Variants in KCNK10 observed in about 807,000 individuals in gnomAD.
The protein encoded by KCNK10 is potassium channel subfamily K member 10.
In KCNK10, 25 loss-of-function variants were observed where a neutral mutation model predicts 47.7. The ratio of observed to expected loss-of-function variants is 0.52; its 90% confidence interval spans 0.38 to 0.73. KCNK10 has a LOEUF of 0.73. Among genes scored for constraint, KCNK10 ranks in the 30% least tolerant of loss-of-function variants. KCNK10 has a pLI of 0.00. For synonymous variants in KCNK10, 303 were observed against 285.6 expected (o/e 1.06, Z -0.61); for missense variants, 563 against 714.5 (o/e 0.79, Z 2.42).
At chr14:88,249,477 T>C (rs1421299542) in intron 2 of KCNK10, among the ~76,000 whole-genome samples, 1 of 152,212 alleles carries the variant, frequency 6.6e-6, no homozygotes, top group African/African-American at 2.4e-5. Flanking sequence ...GTCCCATAGG[T>C]TGAGTCAGAG....
At chr14:88,206,527 T>C (rs1034343929) in intron 4 of KCNK10, among the ~76,000 whole-genome samples, 9 of 152,254 alleles carry the variant, frequency 5.9e-5, no homozygotes, top group Admixed American at 2.0e-4. Context: ...CTGACTCTAA[T>C]GTAAATAGAT....
intron 1 of KCNK10, among the ~76,000 whole-genome samples, chr14:88,268,331 G>A (rs73328071): frequency 0.024 from 3,656 of 152,298 alleles, 141 homozygotes; most frequent in African/African-American, 0.083. Flanking sequence ...CAGCTGTGGA[G>A]ATCAGGGCAG....
At chr14:88,237,556 A>T (rs893874362) in intron 3 of KCNK10, among the ~76,000 whole-genome samples, 3 of 152,218 alleles carry the variant, frequency 2.0e-5, no homozygotes, top group African/African-American at 7.2e-5. Flanking sequence ...TAAGAGTTCA[A>T]AGTCAAAATT....
At chr14:88,317,866 T>TAA (rs145533276) in intron 1 of KCNK10, among the ~76,000 whole-genome samples, 4 of 151,864 alleles carry the variant, frequency 2.6e-5, no homozygotes, top group African/African-American at 9.7e-5. Flanking sequence ...GTGTAGCATT[T>TAA]AAAAAAAAAT....
At chr14:88,323,403 G>A (rs1888595266), upstream of KCNK10, among the ~76,000 whole-genome samples, 1 of 143,616 alleles carries the variant, frequency 7.0e-6, no homozygotes, top group Non-Finnish European at 1.5e-5. Flanking sequence ...CGCGGCGCCC[G>A]GGCAGCGCGC....
chr14:88,269,739 T>C (rs1374738793), intron 1 of KCNK10, among the ~76,000 whole-genome samples: 1 of 152,090 alleles, frequency 6.6e-6, no homozygotes, highest in East Asian at 1.9e-4. Context: ...ACCCAGCCAG[T>C]GAACCTGTTT....
At chr14:88,199,987 TTTTC>T (rs1164997486) in intron 4 of KCNK10, among the ~76,000 whole-genome samples, 5 of 151,566 alleles carry the variant, frequency 3.3e-5, no homozygotes, top group South Asian at 2.1e-4. Flanking sequence ...CTTTCTTTCT[TTTTC>T]TTTCTTTCTC....
chr14:88,282,882 G>A (rs565918036), intron 1 of KCNK10, among the ~76,000 whole-genome samples: 12 of 152,264 alleles, frequency 7.9e-5, no homozygotes, highest in South Asian at 2.1e-4. Context: ...CAGTGCTTCC[G>A]CATAGACAAT....
intron 1 of KCNK10, among the ~76,000 whole-genome samples, chr14:88,265,890 G>A (rs1887239218): frequency 1.3e-5 from 2 of 152,172 alleles, no homozygotes; most frequent in African/African-American, 4.8e-5. Flanking sequence ...CACCATGATT[G>A]TGAGGCCTCC....
Position 88,185,850 on chromosome 14 carries a change from A to G in KCNK10, c.1317T>C (p.His439=), listed in dbSNP as rs1884535694. 2 of 1,614,018 alleles carry G rather than the reference A, an allele frequency of 1.2e-6. No individual in the cohort carries two copies. The change falls in exon 7 of 7, where the codon CAT becomes CAC. Residue 439 remains histidine (H), a synonymous_variant. Transcript: ENST00000319231. This position sits in a 1 kb window ranked among gnomAD's most constrained non-coding sequence, Gnocchi z 4.3. ...TGTTGTCCTCGGACGCACCCTGCCCATGCTTGTTCAGCTGCTCCGGCCCCT... is the reference window on the plus strand; with the variant it reads ...TGTTGTCCTCGGACGCACCCTGCCCGTGCTTGTTCAGCTGCTCCGGCCCCT... ...RLKGPEQLNK[H]GQGASEDNII...
At chr14:88,261,121 G>A (rs1162735848) in intron 2 of KCNK10, among the ~76,000 whole-genome samples, 1 of 152,096 alleles carries the variant, frequency 6.6e-6, no homozygotes, top group African/African-American at 2.4e-5. Context: ...TTATCTAATG[G>A]GCAATAATTA....
intron 1 of KCNK10, among the ~76,000 whole-genome samples, chr14:88,308,151 C>A (rs1888239537): frequency 6.6e-6 from 1 of 152,128 alleles, no homozygotes; most frequent in African/African-American, 2.4e-5. Flanking sequence ...ATCATCAGCA[C>A]CCCCAGTCAA....
chr14:88,271,604 C>A (rs1887407115), intron 1 of KCNK10, among the ~76,000 whole-genome samples: 1 of 152,082 alleles, frequency 6.6e-6, no homozygotes, highest in Non-Finnish European at 1.5e-5. Flanking sequence ...CTCAGGGGTA[C>A]AAAATACTTG....
rs377446512 is a variant in KCNK10, at chr14:88,322,772, T to C, written c.27A>G (p.Arg9=). 4.5e-5 allele frequency: 73 copies of C among 1,614,054 alleles called. No homozygotes were observed. Among genetic ancestry groups the C allele is most frequent in the Non-Finnish European group, 5.5e-5 (65 of 1,180,032 alleles). MKFPIETP[R]KQVNWDPKVA... The stretch of plus-strand genomic sequence containing the variant: ...CTTTAGGATCCCAGTTCACCTGTTT[T>C]CTTGGCGTCTCGATTGGAAATTTCA... The change falls in exon 1 of 7, where the codon AGA becomes AGG. Residue 9 remains arginine (R), a synonymous_variant. Transcript: ENST00000319231. This position sits in a 1 kb window ranked among gnomAD's most constrained non-coding sequence, Gnocchi z 4.8.
intron 2 of KCNK10, among the ~76,000 whole-genome samples, chr14:88,262,923 T>TGGA (rs1304424272): frequency 6.6e-6 from 1 of 152,118 alleles, no homozygotes; most frequent in Non-Finnish European, 1.5e-5. Flanking sequence ...CACACATAGG[T>TGGA]GGACTTGAAC....
chr14:88,306,580 G>A (rs938793949), intron 1 of KCNK10, among the ~76,000 whole-genome samples: 24 of 151,868 alleles, frequency 1.6e-4, no homozygotes, highest in African/African-American at 5.3e-4. Flanking sequence ...CTGGTACCAC[G>A]CCTTTTCCTT....
At chr14:88,192,954 C>A (rs1296493433) in intron 4 of KCNK10, among the ~76,000 whole-genome samples, 3 of 152,204 alleles carry the variant, frequency 2.0e-5, no homozygotes, top group Non-Finnish European at 4.4e-5. Context: ...CCCATCTTCA[C>A]CTGTGACCGA....
intron 2 of KCNK10, among the ~76,000 whole-genome samples, chr14:88,249,736 G>A (rs1332769017): frequency 6.6e-6 from 1 of 152,110 alleles, no homozygotes; most frequent in Non-Finnish European, 1.5e-5. Flanking sequence ...ATTTAAATGA[G>A]TTACTACACG....
intron 2 of KCNK10, among the ~76,000 whole-genome samples, chr14:88,249,767 C>T (rs1886742692): frequency 6.6e-6 from 1 of 152,144 alleles, no homozygotes; most frequent in Non-Finnish European, 1.5e-5. Flanking sequence ...AGAGCAGTTC[C>T]TGTCCACAGT....
Sources: gnomAD v4.1 joint callset for allele counts (sites outside exome capture counted in the v4.1 genomes callset) on GRCh38, gnomAD v4.1.1 for gene constraint, Gnocchi (gnomAD v3.1) non-coding constraint, MANE v1.5 for transcripts, NCBI Gene and HGNC (gene_info 2026-07-23, HGNC 2026-07-21) for gene names.